Variants in LRP1B observed in about 807,000 individuals in gnomAD.
LRP1B encodes LDL receptor related protein 1B.
LRP1B carries 217 observed loss-of-function variants against 556.6 expected under a neutral mutation model. The ratio of observed to expected loss-of-function variants is 0.39; its 90% CI spans 0.35 to 0.44. The LOEUF is 0.44. LRP1B is among the 20% of genes least tolerant of loss of function. The probability of loss-of-function intolerance (pLI) is 1.00; values close to 1 mark genes in which losing one functional copy is unlikely to be tolerated. For synonymous variants in LRP1B, 2,047 were observed against 1,865.8 expected, an observed-to-expected ratio of 1.10 and a Z score of -2.50; for missense variants, 5,053 against 5,620.8, an observed-to-expected ratio of 0.90 and a Z score of 3.23.
At chr2:140,243,212 A>G (rs934080300) in intron 87 of LRP1B, among the ~76,000 whole-genome samples, 1 of 151,154 alleles carries the variant, frequency 6.6e-6, no homozygotes, top group Non-Finnish European at 1.5e-5. Context: ...TAGGAGATAA[A>G]TCAATATTGA....
intron 41 of LRP1B, among the ~76,000 whole-genome samples, chr2:140,669,813 C>G (rs1359386507): frequency 2.0e-4 from 30 of 151,966 alleles, no homozygotes; most frequent in Admixed American, 2.0e-3. Flanking sequence ...TCGAATCGTC[C>G]ATGTCTTATA....
chr2:141,637,593 T>A (rs1417553846), intron 2 of LRP1B, among the ~76,000 whole-genome samples: 7 of 152,218 alleles, frequency 4.6e-5, no homozygotes, highest in African/African-American at 1.4e-4. Flanking sequence ...GTCAGGTATC[T>A]TCTCCTGGTT....
At chr2:140,748,870 CACAG>C (rs1192165040) in intron 35 of LRP1B, among the ~76,000 whole-genome samples, 3 of 90,668 alleles carry the variant, frequency 3.3e-5, no homozygotes, top group African/African-American at 1.3e-4. Context: ...CACACACACA[CACAG>C]AGTCATGCAT....
At chr2:141,959,550 C>T (rs181547439) in intron 1 of LRP1B, among the ~76,000 whole-genome samples, 5 of 151,702 alleles carry the variant, frequency 3.3e-5, no homozygotes, top group Non-Finnish European at 5.9e-5. Flanking sequence ...ATCTCTAGAC[C>T]GGCACTCTCC....
At chr2:141,900,220 CA>C (rs1699577366) in intron 1 of LRP1B, among the ~76,000 whole-genome samples, 1 of 151,990 alleles carries the variant, frequency 6.6e-6, no homozygotes, top group African/African-American at 2.4e-5. Flanking sequence ...GTATTATCCA[CA>C]AGCCAAGTAA....
intron 23 of LRP1B, among the ~76,000 whole-genome samples, chr2:140,889,650 G>T (rs147832358): frequency 2.0e-5 from 3 of 152,168 alleles, no homozygotes; most frequent in Admixed American, 6.6e-5. Context: ...AGCCTTATGA[G>T]GTGGGTGATG....
chr2:142,045,721 C>A (rs1449496), intron 1 of LRP1B, among the ~76,000 whole-genome samples: 80,431 of 151,570 alleles, frequency 0.53, 22,150 homozygotes, highest in East Asian at 0.69. Context: ...AAGAACCATG[C>A]AAATATGATC....
chr2:141,123,638 C>T (rs1295158455), intron 7 of LRP1B, among the ~76,000 whole-genome samples: 1 of 152,060 alleles, frequency 6.6e-6, no homozygotes, highest in Non-Finnish European at 1.5e-5. Flanking sequence ...CACACATCTG[C>T]CTAAATAACA....
At chr2:141,385,960 T>G (rs996041003) in intron 3 of LRP1B, among the ~76,000 whole-genome samples, 3 of 152,168 alleles carry the variant, frequency 2.0e-5, no homozygotes, top group Non-Finnish European at 4.4e-5. Context: ...TGTGAATAAA[T>G]GTAATAAAAT....
chr2:141,478,921 TC>T (rs1682814343), intron 3 of LRP1B, among the ~76,000 whole-genome samples: 1 of 152,126 alleles, frequency 6.6e-6, no homozygotes, highest in African/African-American at 2.4e-5. Flanking sequence ...AAATAAAATC[TC>T]TCATTCATTA....
chr2:141,464,347 G>C (rs572766046), intron 3 of LRP1B, among the ~76,000 whole-genome samples: 48 of 151,298 alleles, frequency 3.2e-4, no homozygotes, highest in African/African-American at 1.1e-3. Context: ...AGACATCAAG[G>C]ATTTTTAGAA....
intron 1 of LRP1B, among the ~76,000 whole-genome samples, chr2:141,947,783 A>T (rs1700994271): frequency 6.7e-6 from 1 of 148,606 alleles, no homozygotes; most frequent in Admixed American, 6.8e-5. Flanking sequence ...ATTCTAAAAC[A>T]TCGAGGCAAG....
intron 25 of LRP1B, among the ~76,000 whole-genome samples, chr2:140,875,585 C>A (rs1408379125): frequency 6.6e-6 from 1 of 152,090 alleles, no homozygotes. Context: ...CAAAGACCTG[C>A]AATTATCAAG....
chr2:141,036,925 G>C (rs985253729), intron 11 of LRP1B, among the ~76,000 whole-genome samples: 1 of 152,106 alleles, frequency 6.6e-6, no homozygotes, highest in Middle Eastern at 3.4e-3. Flanking sequence ...AACTCCCCTA[G>C]ATATAAGGCA....
intron 1 of LRP1B, among the ~76,000 whole-genome samples, chr2:141,998,092 A>G (rs937884615): frequency 2.0e-5 from 3 of 152,198 alleles, no homozygotes; most frequent in Non-Finnish European, 4.4e-5. Context: ...AAAGCACTAC[A>G]TGGCTTAGTC....
intron 21 of LRP1B, among the ~76,000 whole-genome samples, chr2:140,911,077 A>C (rs548516142): frequency 9.7e-4 from 148 of 151,978 alleles, no homozygotes; most frequent in African/African-American, 3.1e-3. Flanking sequence ...TTAAAGGTAT[A>C]TGCTTGAGTG....
chr2:142,095,412 T>A (rs1183062837), intron 1 of LRP1B, among the ~76,000 whole-genome samples: 1 of 151,886 alleles, frequency 6.6e-6, no homozygotes, highest in African/African-American at 2.4e-5. Context: ...AATCATTAAG[T>A]ACTTAAAATA....
chr2:141,176,933 C>T (rs1680762760), intron 7 of LRP1B, among the ~76,000 whole-genome samples: 1 of 152,008 alleles, frequency 6.6e-6, no homozygotes, highest in Non-Finnish European at 1.5e-5. Context: ...CAGAGACAGA[C>T]ATCTGTCAAT....
chr2:141,571,703 C>T (rs1025910411), intron 2 of LRP1B, among the ~76,000 whole-genome samples: 1 of 151,964 alleles, frequency 6.6e-6, no homozygotes, highest in African/African-American at 2.4e-5. Context: ...AGAGGAATTG[C>T]CACTAGAACA....
Sources: allele counts gnomAD v4.1 joint callset (sites outside exome capture counted in the v4.1 genomes callset), GRCh38; gene constraint gnomAD v4.1.1; transcripts MANE v1.5; gene names NCBI Gene and HGNC (gene_info 2026-07-23, HGNC 2026-07-21).